Variants in ALK observed in about 807,000 individuals in gnomAD.
ALK encodes ALK receptor tyrosine kinase.
Under a neutral mutation model 163.1 loss-of-function variants are expected in ALK, and 74 were observed. That is an observed-to-expected ratio of 0.45 (90% CI 0.38 to 0.55). The LOEUF is 0.55. Among genes scored for constraint, ALK ranks in the 20% least tolerant of loss-of-function variants. The probability of loss-of-function intolerance (pLI) is 0.00; values close to 1 mark genes in which losing one functional copy is unlikely to be tolerated. For synonymous variants in ALK, 960 were observed against 843.2 expected (o/e 1.14, Z -2.40); for missense variants, 2,063 against 2,105.3 (o/e 0.98, Z 0.39).
intron 1 of ALK, among the ~76,000 whole-genome samples, chr2:29,723,845 G>A (rs1055235381): frequency 3.9e-5 from 6 of 152,118 alleles, no homozygotes; most frequent in Non-Finnish European, 8.8e-5. Context: ...TCTATATTTA[G>A]ATCATCTTGT....
Position 29,694,952 on chromosome 2 carries a change from TGA to T in ALK, c.848_849del (p.Leu283GlnfsTer30). ...ELEYSPPLHDLRNQSWSWRRI... is the reference protein window; with the variant it reads ...ELEYSPPLHDXRNQSWSWRRI... Reference sequence around the variant, plus strand: ...CGGCGCCAGGACCAGCTCTGGTTCCTGAGGTCATGCAGTGGAGGGGAATACTC... The same window carrying T: ...CGGCGCCAGGACCAGCTCTGGTTCCTGGTCATGCAGTGGAGGGGAATACTC... On this transcript the variant is annotated frameshift_variant, in exon 3 of 29. Transcript: ENST00000389048. LOFTEE classifies it high-confidence loss of function. The T allele has an allele frequency of 6.2e-7, 1 of 1,614,130 alleles. No individual in the cohort carries two copies. The highest frequency in any genetic ancestry group is 8.5e-7 in the Non-Finnish European group (1 of 1,179,984).
intron 1 of ALK, among the ~76,000 whole-genome samples, chr2:29,904,799 G>A (rs1029370870): frequency 1.3e-5 from 2 of 152,106 alleles, no homozygotes; most frequent in Admixed American, 6.5e-5. Flanking sequence ...AGGGGTTAAC[G>A]AATGTTCAGA....
chr2:29,454,256 C>G (rs995219642), intron 4 of ALK, among the ~76,000 whole-genome samples: 1 of 152,090 alleles, frequency 6.6e-6, no homozygotes, highest in Non-Finnish European at 1.5e-5. Context: ...TTCCAGGACC[C>G]CCCTGTGGAT....
intron 4 of ALK, among the ~76,000 whole-genome samples, chr2:29,510,999 C>T (rs1046178076): frequency 6.6e-6 from 1 of 152,154 alleles, no homozygotes; most frequent in Non-Finnish European, 1.5e-5. Context: ...CTCTCACTAG[C>T]CCTTCACCCT....
chr2:29,776,906 C>T (rs760423079), intron 1 of ALK, among the ~76,000 whole-genome samples: 11 of 152,218 alleles, frequency 7.2e-5, no homozygotes, highest in Non-Finnish European at 1.5e-4. Flanking sequence ...CTTCAGGATA[C>T]CACCTTGCCC....
At chr2:29,578,877 C>T (rs1330713088) in intron 3 of ALK, among the ~76,000 whole-genome samples, 1 of 152,204 alleles carries the variant, frequency 6.6e-6, no homozygotes, top group African/African-American at 2.4e-5. Context: ...GCTCTTCTCC[C>T]CACCCCTGGA....
At chr2:29,793,858 G>T (rs1301868261) in intron 1 of ALK, among the ~76,000 whole-genome samples, 2 of 152,098 alleles carry the variant, frequency 1.3e-5, no homozygotes, top group Non-Finnish European at 2.9e-5. Flanking sequence ...TAGAATTCAG[G>T]CAGAGTAGAT....
chr2:29,518,532 A>T (rs1382756018), intron 4 of ALK, among the ~76,000 whole-genome samples: 1 of 152,212 alleles, frequency 6.6e-6, no homozygotes, highest in Non-Finnish European at 1.5e-5. Flanking sequence ...TAACGGTGTC[A>T]ACTTTAGGTG....
intron 8 of ALK, among the ~76,000 whole-genome samples, chr2:29,305,912 C>T (rs531747669): frequency 1.3e-5 from 2 of 152,140 alleles, no homozygotes; most frequent in African/African-American, 2.4e-5. Flanking sequence ...TGCAATAGGG[C>T]TCGCACTTCT....
chr2:29,419,281 C>T (rs1252074521), intron 4 of ALK, among the ~76,000 whole-genome samples: 2 of 151,438 alleles, frequency 1.3e-5, no homozygotes, highest in Non-Finnish European at 2.9e-5. Flanking sequence ...TCTCGAACTC[C>T]TGACCTCAAG....
chr2:29,377,042 G>GA (rs1429492130), intron 5 of ALK, among the ~76,000 whole-genome samples: 1 of 152,204 alleles, frequency 6.6e-6, no homozygotes, highest in Admixed American at 6.5e-5. Context: ...CTTGCCTTGT[G>GA]AAAATGGCCC....
intron 5 of ALK, among the ~76,000 whole-genome samples, chr2:29,359,664 G>A (rs1332493380): frequency 3.3e-5 from 5 of 152,166 alleles, no homozygotes; most frequent in African/African-American, 7.2e-5. Context: ...CCAGAGATTC[G>A]ATTCATAAAG....
chr2:29,372,974 C>T (rs1469020808), intron 5 of ALK, among the ~76,000 whole-genome samples: 1 of 152,000 alleles, frequency 6.6e-6, no homozygotes, highest in Non-Finnish European at 1.5e-5. Context: ...TGGGTCCACC[C>T]TGTTTGCTTC....
At chr2:29,608,238 T>C (rs1675594596) in intron 3 of ALK, among the ~76,000 whole-genome samples, 1 of 152,224 alleles carries the variant, frequency 6.6e-6, no homozygotes, top group African/African-American at 2.4e-5. Flanking sequence ...CCATTTGATA[T>C]ATTCTCTACA....
At chr2:29,864,005 C>T (rs2148408253) in intron 1 of ALK, among the ~76,000 whole-genome samples, 1 of 152,264 alleles carries the variant, frequency 6.6e-6, no homozygotes, top group Middle Eastern at 3.4e-3. Context: ...AGGATTTGGA[C>T]TAACATAATG....
intron 1 of ALK, among the ~76,000 whole-genome samples, chr2:29,782,498 G>A (rs955774827): frequency 5.9e-5 from 9 of 152,162 alleles, no homozygotes; most frequent in African/African-American, 9.6e-5. Context: ...AGCCCCTCGC[G>A]GCCTTCCCTC....
chr2:29,458,792 T>C (rs1372773347), intron 4 of ALK, among the ~76,000 whole-genome samples: 1 of 152,142 alleles, frequency 6.6e-6, no homozygotes, highest in African/African-American at 2.4e-5. Flanking sequence ...CATGATTGAG[T>C]GCTTACACTG....
At chr2:29,866,671 C>T (rs1312851523) in intron 1 of ALK, among the ~76,000 whole-genome samples, 1 of 152,102 alleles carries the variant, frequency 6.6e-6, no homozygotes, top group Non-Finnish European at 1.5e-5. Context: ...CTGATGAGAA[C>T]ATACATAAGG....
intron 1 of ALK, among the ~76,000 whole-genome samples, chr2:29,848,702 C>G (rs915783101): frequency 1.3e-5 from 2 of 152,102 alleles, no homozygotes; most frequent in Non-Finnish European, 2.9e-5. Context: ...GAATGGGTGC[C>G]AGGAGGGTGA....
Sources: allele counts gnomAD v4.1 joint callset (sites outside exome capture counted in the v4.1 genomes callset), GRCh38; gene constraint gnomAD v4.1.1; transcripts MANE v1.5; gene names NCBI Gene and HGNC (gene_info 2026-07-23, HGNC 2026-07-21).